ATP9B: variants seen among roughly 807,000 people sequenced by gnomAD.
ATP9B encodes probable phospholipid-transporting ATPase IIB.
Under a neutral mutation model 146.1 loss-of-function variants are expected in ATP9B, and 110 were observed. The observed-to-expected ratio is 0.75, with a 90% confidence interval of 0.65 to 0.88. The LOEUF (loss-of-function observed/expected upper bound fraction) is 0.88. ATP9B is among the 40% of genes least tolerant of loss of function. The pLI, the probability that ATP9B is intolerant of heterozygous loss-of-function variation, is 0.00. For synonymous variants in ATP9B, 604 were observed against 569.7 expected (o/e 1.06, Z -0.86); for missense variants, 1,499 against 1,496.4 (o/e 1.00, Z -0.03).
intron 7 of ATP9B, among the ~76,000 whole-genome samples, chr18:79,163,346 A>G (rs777251725): frequency 2.0e-5 from 3 of 152,202 alleles, no homozygotes; most frequent in Non-Finnish European, 2.9e-5. Flanking sequence ...TCAGTGTTTA[A>G]TAAGTTTACA....
chr18:79,244,238 C>T (rs1180940306), intron 11 of ATP9B, among the ~76,000 whole-genome samples: 1 of 151,866 alleles, frequency 6.6e-6, no homozygotes, highest in South Asian at 2.1e-4. Flanking sequence ...TGCCTGTCTG[C>T]TGGGCCACCC....
At chr18:79,231,303 A>G (rs1231163579) in intron 11 of ATP9B, among the ~76,000 whole-genome samples, 1 of 152,212 alleles carries the variant, frequency 6.6e-6, no homozygotes, top group African/African-American at 2.4e-5. Flanking sequence ...CAAGAAAAAA[A>G]AACAAACAGT....
chr18:79,165,625 A>T (rs1451042228), intron 7 of ATP9B, among the ~76,000 whole-genome samples: 2 of 152,166 alleles, frequency 1.3e-5, no homozygotes, highest in African/African-American at 4.8e-5. Flanking sequence ...TCTCAGTGAG[A>T]ACAGACTGAG....
intron 21 of ATP9B, among the ~76,000 whole-genome samples, chr18:79,344,784 G>T (rs942746975): frequency 6.6e-5 from 10 of 152,200 alleles, no homozygotes; most frequent in Non-Finnish European, 1.3e-4. Flanking sequence ...TGCTGCAGGA[G>T]ACCTGGAGGA....
chr18:79,367,509 G>C (rs1332862337), intron 26 of ATP9B, among the ~76,000 whole-genome samples: 4 of 148,296 alleles, frequency 2.7e-5, no homozygotes, highest in African/African-American at 1.0e-4. Flanking sequence ...CGCAGAGAAA[G>C]TGCCTCCTCA....
intron 1 of ATP9B, among the ~76,000 whole-genome samples, chr18:79,082,020 T>G (rs561213119): frequency 1.3e-5 from 2 of 152,252 alleles, no homozygotes; most frequent in South Asian, 4.1e-4. Context: ...TTGGTTCCAT[T>G]CTCCCCGTCA....
rs1373541217 is a variant in ATP9B at position 79,118,407 on chromosome 18, T to G, written c.558+5053T>G. 2.2e-5 allele frequency among the ~76,000 whole-genome samples: 3 copies of G among 136,024 alleles called. No homozygotes were observed. In the East Asian group the frequency reaches 6.2e-4, roughly 28 times the overall value. The allele number at this position is 136,024 out of a possible 152,430, so 89.2% of individuals were successfully genotyped here. On this transcript the variant is annotated intron_variant, in intron 4 of 29. Coordinates refer to ENST00000426216, the MANE Select transcript of ATP9B (RefSeq NM_198531.5). ...ACGTTTTTGTTTTTTTTTTTTTTTT[T>G]TTTTTTTTTTTGAGACAGAGTCTTG...
At chr18:79,250,701 G>A (rs546540357) in intron 11 of ATP9B, among the ~76,000 whole-genome samples, 8 of 152,316 alleles carry the variant, frequency 5.3e-5, no homozygotes, top group African/African-American at 1.9e-4. Flanking sequence ...TGATAAATCA[G>A]CCGCTGTGGT....
chr18:79,275,633 C>T (rs1347518015), intron 12 of ATP9B, among the ~76,000 whole-genome samples: 1 of 152,240 alleles, frequency 6.6e-6, no homozygotes, highest in Non-Finnish European at 1.5e-5. Context: ...AGGTGGGTAA[C>T]TTGTAGGCGT....
chr18:79,321,530 G>A (rs2096716187), intron 15 of ATP9B, among the ~76,000 whole-genome samples: 1 of 152,100 alleles, frequency 6.6e-6, no homozygotes, highest in African/African-American at 2.4e-5. Flanking sequence ...TTACAGGCAT[G>A]TGCCCACCAC....
intron 25 of ATP9B, among the ~76,000 whole-genome samples, chr18:79,349,670 G>A (rs1321064720): frequency 6.6e-6 from 1 of 152,200 alleles, no homozygotes; most frequent in Non-Finnish European, 1.5e-5. Context: ...AAACATGTGA[G>A]GTCCTCTTAA....
chr18:79,250,208 T>A (rs1398702889), intron 11 of ATP9B, among the ~76,000 whole-genome samples: 1 of 152,236 alleles, frequency 6.6e-6, no homozygotes, highest in Non-Finnish European at 1.5e-5. Context: ...TTTGTATTCA[T>A]TTCTGAATGT....
rs146782917 is a variant in ATP9B at position 79,136,903 on chromosome 18, G to A, written c.668-6899G>A. ...TCACATGGTGGCAGCAAGGAGAAGTGCAAAAAGGGGAAAAGCCACTTACAA... is the reference window on the plus strand; with the variant it reads ...TCACATGGTGGCAGCAAGGAGAAGTACAAAAAGGGGAAAAGCCACTTACAA... On this transcript the variant is annotated intron_variant, in intron 5 of 29. Coordinates refer to ENST00000426216, the MANE Select transcript of ATP9B (RefSeq NM_198531.5). 4.8e-3 allele frequency among the ~76,000 whole-genome samples: 738 copies of A among 152,284 alleles called. 5 individuals are homozygous for A. Among genetic ancestry groups the A allele is most frequent in the South Asian group, 0.025 (120 of 4,828 alleles).
At chr18:79,178,397 C>T (rs754251942) in intron 8 of ATP9B, among the ~76,000 whole-genome samples, 8 of 152,026 alleles carry the variant, frequency 5.3e-5, no homozygotes, top group Non-Finnish European at 1.2e-4. Context: ...TTGTGTTGAA[C>T]GTTGTTTTGT....
intron 26 of ATP9B, among the ~76,000 whole-genome samples, chr18:79,368,026 T>C (rs1454397566): frequency 1.3e-5 from 2 of 152,128 alleles, no homozygotes; most frequent in East Asian, 1.9e-4. Context: ...TCTGCCACGG[T>C]GCGTGTCTGT....
chr18:79,368,971 C>T (rs1432694450), intron 26 of ATP9B, among the ~76,000 whole-genome samples: 2 of 141,628 alleles, frequency 1.4e-5, no homozygotes, highest in South Asian at 2.6e-4. Context: ...CCGGCGCCAC[C>T]GTGAGCACCG....
intron 9 of ATP9B, among the ~76,000 whole-genome samples, chr18:79,196,467 G>A (rs939836900): frequency 1.3e-5 from 2 of 152,176 alleles, no homozygotes; most frequent in African/African-American, 2.4e-5. Context: ...AGCAGGAAGA[G>A]GAGGAGAAAA....
rs568432961 is a variant in ATP9B, at chr18:79,239,455, G to A, written c.1108-13926G>A. On this transcript the variant is annotated intron_variant, in intron 11 of 29. Transcript: ENST00000426216. This position sits in a 1 kb window ranked among gnomAD's most constrained non-coding sequence, Gnocchi z 5.1. ...CAAGCCCCAGAGTGGGTTGTGGTAT[G>A]AGCACCGCCAGCCAAGTCTGCTGTG... 6.6e-6 allele frequency among the ~76,000 whole-genome samples: 1 copy of A among 152,300 alleles called. No individual in the cohort carries two copies. The highest frequency in any genetic ancestry group is 2.1e-4 in the South Asian group (1 of 4,826).
chr18:79,120,266 A>G (rs1175249039), intron 4 of ATP9B, among the ~76,000 whole-genome samples: 1 of 152,146 alleles, frequency 6.6e-6, no homozygotes, highest in African/African-American at 2.4e-5. Flanking sequence ...ACATTTCCAG[A>G]TTTCTTCTAG....
Sources: gnomAD v4.1 joint callset for allele counts (sites outside exome capture counted in the v4.1 genomes callset) on GRCh38, gnomAD v4.1.1 for gene constraint, Gnocchi (gnomAD v3.1) non-coding constraint, MANE v1.5 for transcripts, NCBI Gene and HGNC (gene_info 2026-07-23, HGNC 2026-07-21) for gene names.